The following SF3A3 variants were observed in gnomAD, a reference collection of about 807,000 sequenced individuals.
SF3A3 encodes splicing factor 3a subunit 3, also known as SAP 61.
A neutral mutation model predicts 85.8 loss-of-function variants in SF3A3; 9 were observed. The observed-to-expected ratio is 0.10, with a 90% confidence interval of 0.06 to 0.18. The LOEUF (loss-of-function observed/expected upper bound fraction) is 0.18. SF3A3 is among the 10% of genes least tolerant of loss of function. The pLI is 1.00. For missense variants in SF3A3, 306 were observed against 593.3 expected (o/e 0.52, Z 5.03); for synonymous variants, 195 against 204.4 (o/e 0.95, Z 0.39).
At chr1:37,983,358 C>T (rs987982846) in intron 6 of SF3A3, among the ~76,000 whole-genome samples, 43 of 149,982 alleles carry the variant, frequency 2.9e-4, no homozygotes, top group Admixed American at 2.7e-3. Context: ...CCAAGACAGA[C>T]GGATTGCTTG....
chr1:37,980,468 G>T (rs1005702839), intron 8 of SF3A3, 118 bp downstream of exon 8: 18 of 1,085,016 alleles, frequency 1.7e-5, no homozygotes, highest in Non-Finnish European at 2.0e-5. Flanking sequence ...ATACCTCATT[G>T]TCACAAGTGA....
chr1:37,984,617 A>G, intron 5 of SF3A3, 90 bp downstream of exon 5: 1 of 893,878 alleles, frequency 1.1e-6, no homozygotes, highest in Non-Finnish European at 1.9e-6. Context: ...AATCCTGGCT[A>G]TAAATATCTC....
chr1:37,967,484 C>A (rs199672911), intron 15 of SF3A3, among the ~76,000 whole-genome samples: 1 of 151,452 alleles, frequency 6.6e-6, no homozygotes, highest in Admixed American at 6.6e-5. Flanking sequence ...TCAAGACCAT[C>A]CTGGCTAACA....
chr1:37,988,840 C>G (rs1004271462), intron 2 of SF3A3, among the ~76,000 whole-genome samples: 1 of 151,342 alleles, frequency 6.6e-6, no homozygotes, highest in Non-Finnish European at 1.5e-5. Flanking sequence ...GAGAAAAACA[C>G]TAACATACGG....
intron 5 of SF3A3, 118 bp from the exon 6 acceptor site, chr1:37,984,378 C>T (rs994946237): frequency 1.2e-5 from 8 of 658,334 alleles, no homozygotes; most frequent in Middle Eastern, 2.4e-4. Context: ...CAAATGTCTT[C>T]CCTTTGCTCA....
chr1:37,977,732 G>A (rs1646388725), intron 11 of SF3A3, among the ~76,000 whole-genome samples: 1 of 152,026 alleles, frequency 6.6e-6, no homozygotes, highest in Non-Finnish European at 1.5e-5. Flanking sequence ...TCAGCTACTC[G>A]GGAGAGTGAG....
chr1:37,983,883 G>C (rs1646437698), intron 6 of SF3A3, among the ~76,000 whole-genome samples: 1 of 151,886 alleles, frequency 6.6e-6, no homozygotes, highest in Non-Finnish European at 1.5e-5. Context: ...GTTGCAGTGA[G>C]CAAAGATCAT....
At chr1:37,970,959 G>C (rs1460213025) in intron 12 of SF3A3, among the ~76,000 whole-genome samples, 1 of 152,020 alleles carries the variant, frequency 6.6e-6, no homozygotes, top group African/African-American at 2.4e-5. Context: ...AGAGAAGCAA[G>C]AGCAAACACA....
intron 15 of SF3A3, among the ~76,000 whole-genome samples, chr1:37,963,595 C>T (rs141663583): frequency 4.5e-4 from 68 of 150,752 alleles, no homozygotes; most frequent in African/African-American, 1.4e-3. Flanking sequence ...CTCACTCTGT[C>T]GCCCAGGTTG....
At chr1:37,976,202 G>T (rs1379008375) in intron 12 of SF3A3, among the ~76,000 whole-genome samples, 1 of 151,388 alleles carries the variant, frequency 6.6e-6, no homozygotes, top group Non-Finnish European at 1.5e-5. Context: ...CAGAAAGGCT[G>T]GTCTTCTGAA....
At position 37,964,191 on chromosome 1, in the gene SF3A3, G is replaced by A. The variant is rs550008237; in HGVS notation, c.1372+3853C>T. ...AGACTCCGTCTCAAATAAAAAACAA[G>A]AACAAAAACAAACTCTGTATGGCTA... On this transcript the variant is annotated intron_variant, in intron 15 of 16. Transcript: ENST00000373019. Among the ~76,000 whole-genome samples, 32 of 151,334 alleles carry A rather than the reference G, an allele frequency of 2.1e-4. 1 individual carries two copies. The South Asian group carries it at 6.1e-3, about 29-fold the overall frequency.
intron 4 of SF3A3, among the ~76,000 whole-genome samples, chr1:37,985,654 GTTAT>G (rs1398773135): frequency 4.6e-5 from 7 of 152,136 alleles, no homozygotes; most frequent in Non-Finnish European, 8.8e-5. Context: ...CTTCTAATCA[GTTAT>G]TTAAGCATTT....
Position 37,983,934 on chromosome 1 carries a change from C to T in SF3A3, c.468+235G>A, listed in dbSNP as rs1276769862. Among the ~76,000 whole-genome samples, 5 of 151,800 alleles carry T rather than the reference C, an allele frequency of 3.3e-5. No individual in the cohort carries two copies. The Middle Eastern group carries it at 0.01, about 312-fold the overall frequency. On this transcript the variant is annotated intron_variant, in intron 6 of 16. Coordinates refer to ENST00000373019, the MANE Select transcript of SF3A3 (RefSeq NM_006802.4). Reference sequence around the variant, plus strand: ...ACTGGGCAACATGGTAAGACCTCATCTCAAAATAAAAAAAAAAGTATTAAT... The same window carrying T: ...ACTGGGCAACATGGTAAGACCTCATTTCAAAATAAAAAAAAAAGTATTAAT...
At chr1:37,980,809 T>C in intron 7 of SF3A3, 85 bp from the exon 8 acceptor site, 1 of 1,043,348 alleles carries the variant, frequency 9.6e-7, no homozygotes, top group South Asian at 2.4e-5. Flanking sequence ...ATAAAGTACT[T>C]ATAATTCTAG....
At chr1:37,985,453 C>A (rs1257312852) in intron 4 of SF3A3, among the ~76,000 whole-genome samples, 1 of 139,390 alleles carries the variant, frequency 7.2e-6, no homozygotes, top group Non-Finnish European at 1.6e-5. Flanking sequence ...CCAATTAAAT[C>A]AAAGGAGGGC....
Position 37,979,378 on chromosome 1 carries a change from A to C in SF3A3, c.759+87T>G, listed in dbSNP as rs1464033071. Reference sequence around the variant, plus strand: ...TCAAGAAATAGTGCCTTATCACAACACAACCATGGTATTAAAGACAGGAGA... The same window carrying C: ...TCAAGAAATAGTGCCTTATCACAACCCAACCATGGTATTAAAGACAGGAGA... On this transcript the variant is annotated intron_variant, in intron 9 of 16. Transcript: ENST00000373019. 4.8e-6 allele frequency: 5 copies of C among 1,043,156 alleles called. No individual in the cohort carries two copies. In the East Asian group the frequency reaches 1.2e-4, roughly 25 times the overall value. 64.6% of individuals were successfully genotyped at this position (1,043,156 alleles called of 1,614,324 possible).
chr1:37,981,814 G>GA lies in SF3A3; in HGVS notation c.469-4dup. ...AGGTATGTGATATAATCCAGCTTCT[G>GA]AAAAGAGGAAAGAAATGACAAGAAA... On this transcript the variant is annotated splice_region_variant and splice_polypyrimidine_tract_variant and intron_variant, in intron 6 of 16. Transcript: ENST00000373019. The GA allele has an allele frequency of 6.6e-7, 1 of 1,525,310 alleles. No individual in the cohort carries two copies. Among genetic ancestry groups the GA allele is most frequent in the Non-Finnish European group, 9.0e-7 (1 of 1,112,260 alleles). 94.5% of individuals were successfully genotyped at this position (1,525,310 alleles called of 1,614,324 possible).
intron 15 of SF3A3, among the ~76,000 whole-genome samples, chr1:37,961,170 T>G (rs1461365112): frequency 6.6e-6 from 1 of 152,232 alleles, no homozygotes; most frequent in Non-Finnish European, 1.5e-5. Context: ...GAGAGACAGT[T>G]AAAGCCTAAG....
intron 15 of SF3A3, among the ~76,000 whole-genome samples, chr1:37,962,079 C>T (rs958830326): frequency 6.9e-5 from 8 of 115,238 alleles, no homozygotes; most frequent in Admixed American, 1.0e-4. Flanking sequence ...AGCGAAACTC[C>T]GTCTCAAAAA....
Sources: gnomAD v4.1 joint callset for allele counts (sites outside exome capture counted in the v4.1 genomes callset) on GRCh38, gnomAD v4.1.1 for gene constraint, MANE v1.5 for transcripts, NCBI Gene and HGNC (gene_info 2026-07-23, HGNC 2026-07-21) for gene names.